Variants in CLSTN1 observed in about 807,000 individuals in gnomAD.
CLSTN1 encodes the protein calsyntenin 1, also known as calsyntenin-1.
CLSTN1 carries 28 observed loss-of-function variants against 108.3 expected under a neutral mutation model. That is an observed-to-expected ratio of 0.26 (90% CI 0.19 to 0.35). The LOEUF (loss-of-function observed/expected upper bound fraction) is 0.35. Among genes scored for constraint, CLSTN1 ranks in the 10% least tolerant of loss-of-function variants. The probability of loss-of-function intolerance (pLI) is 1.00; values close to 1 mark genes in which losing one functional copy is unlikely to be tolerated. For synonymous variants in CLSTN1, 524 were observed against 534.9 expected, an observed-to-expected ratio of 0.98 and a Z score of 0.28; for missense variants, 1,157 against 1,302.6, an observed-to-expected ratio of 0.89 and a Z score of 1.72.
At chr1:9,816,062 T>G (rs1356456293) in intron 1 of CLSTN1, among the ~76,000 whole-genome samples, 1 of 152,214 alleles carries the variant, frequency 6.6e-6, no homozygotes, top group Admixed American at 6.5e-5. Flanking sequence ...ACAAAAATGT[T>G]CATAGTAATA....
intron 1 of CLSTN1, among the ~76,000 whole-genome samples, chr1:9,809,537 T>C (rs1654641650): frequency 6.6e-6 from 1 of 152,016 alleles, no homozygotes; most frequent in Non-Finnish European, 1.5e-5. Context: ...TCCCAGTGCT[T>C]TGGGAGGTCA....
At chr1:9,799,865 C>T (rs1045859667) in intron 1 of CLSTN1, among the ~76,000 whole-genome samples, 8 of 151,848 alleles carry the variant, frequency 5.3e-5, no homozygotes, top group African/African-American at 1.4e-4. Context: ...CATTTGAACC[C>T]GGGAGGCGGA....
intron 1 of CLSTN1, among the ~76,000 whole-genome samples, chr1:9,780,463 C>T (rs911865865): frequency 1.3e-5 from 2 of 152,108 alleles, no homozygotes; most frequent in African/African-American, 4.8e-5. Context: ...AGGCCTGCAG[C>T]TGAAATGGTT....
At chr1:9,733,896 G>T in intron 15 of CLSTN1, 76 bp downstream of exon 15, 1 of 1,433,630 alleles carries the variant, frequency 7.0e-7, no homozygotes, top group Non-Finnish European at 9.5e-7. Flanking sequence ...CAGATGGCAG[G>T]CAGCAGCCAG....
intron 1 of CLSTN1, among the ~76,000 whole-genome samples, chr1:9,787,027 G>C (rs1184934310): frequency 1.3e-5 from 2 of 151,352 alleles, no homozygotes; most frequent in Admixed American, 6.7e-5. Flanking sequence ...AACGAAGTTG[G>C]GGGTGAAGAG....
chr1:9,758,213 G>A (rs560485025), intron 2 of CLSTN1, among the ~76,000 whole-genome samples: 1 of 152,086 alleles, frequency 6.6e-6, no homozygotes, highest in Non-Finnish European at 1.5e-5. Context: ...GGCTGGTCTC[G>A]AACTCCTGGC....
At chr1:9,771,127 C>A (rs1396140721) in intron 2 of CLSTN1, among the ~76,000 whole-genome samples, 1 of 152,178 alleles carries the variant, frequency 6.6e-6, no homozygotes, top group Non-Finnish European at 1.5e-5. Context: ...AATACACAAG[C>A]CTGGACTGCA....
At chr1:9,733,322 T>C in intron 16 of CLSTN1, 79 bp downstream of exon 16, 16 of 1,560,710 alleles carry the variant, frequency 1.0e-5, no homozygotes, top group Non-Finnish European at 1.3e-5. Context: ...AGGTTGGCGT[T>C]TGTGAATATT....
intron 4 of CLSTN1, among the ~76,000 whole-genome samples, chr1:9,753,225 A>C (rs1651641986): frequency 6.6e-6 from 1 of 152,150 alleles, no homozygotes; most frequent in Admixed American, 6.6e-5. Context: ...TCCTGTGAGA[A>C]TCTGATACCG....
chr1:9,784,996 CTTT>C (rs549145155), intron 1 of CLSTN1, among the ~76,000 whole-genome samples: 3 of 133,442 alleles, frequency 2.2e-5, no homozygotes, highest in South Asian at 2.4e-4. Context: ...GTCATAAATT[CTTT>C]TTTTTTTTTT....
At chr1:9,818,422 G>A (rs573981186) in intron 1 of CLSTN1, among the ~76,000 whole-genome samples, 2 of 149,670 alleles carry the variant, frequency 1.3e-5, no homozygotes, top group African/African-American at 4.9e-5. Flanking sequence ...TCCGCCTCCC[G>A]AGTTCAAGCA....
chr1:9,754,990 G>A, intron 4 of CLSTN1, 124 bp downstream of exon 4: 1 of 709,574 alleles, frequency 1.4e-6, no homozygotes, highest in East Asian at 2.6e-5. Context: ...GTAGACACTT[G>A]AGAACTATCT....
At chr1:9,797,381 T>G (rs1654058413) in intron 1 of CLSTN1, among the ~76,000 whole-genome samples, 1 of 152,170 alleles carries the variant, frequency 6.6e-6, no homozygotes, top group Non-Finnish European at 1.5e-5. Context: ...ATGCCTGTAA[T>G]TCTATCCCTT....
At chr1:9,791,063 C>T (rs1446562048) in intron 1 of CLSTN1, among the ~76,000 whole-genome samples, 4 of 141,842 alleles carry the variant, frequency 2.8e-5, no homozygotes, top group Admixed American at 7.7e-5. Flanking sequence ...ACCCGGGAGG[C>T]GGGAGGAGGC....
chr1:9,786,095 A>C (rs1653471658), intron 1 of CLSTN1, among the ~76,000 whole-genome samples: 1 of 152,184 alleles, frequency 6.6e-6, no homozygotes, highest in Non-Finnish European at 1.5e-5. Context: ...AGGCTGAGGC[A>C]TGAGAATCGC....
rs186536020 is a variant in CLSTN1, at chr1:9,767,529, A to G, written c.214+5743T>C. 2.1e-3 allele frequency among the ~76,000 whole-genome samples: 318 copies of G among 148,600 alleles called. 1 individual carries two copies. Among genetic ancestry groups the G allele is most frequent in the African/African-American group, 7.8e-3 (307 of 39,612 alleles). On this transcript the variant is annotated intron_variant, in intron 2 of 18. Coordinates refer to ENST00000377298, the MANE Select transcript of CLSTN1 (RefSeq NM_001009566.3). ...CACTGCACTCCAGCCTGGGCAACAG[A>G]GCAAGACTCCATCTCAAAAAAAAAA...
At position 9,731,407 on chromosome 1, in the gene CLSTN1, G is replaced by C. The variant is rs767521093; in HGVS notation, c.2564-17C>G. ...TGGGGACGACTGTGGGAGAATGAGG[G>C]GGCGGGATGCGAGGTCACTCGGCCC... On this transcript the variant is annotated splice_polypyrimidine_tract_variant and intron_variant, in intron 17 of 18. Transcript: ENST00000377298. 10 of 1,611,762 alleles carry C rather than the reference G, an allele frequency of 6.2e-6. No individual in the cohort carries two copies. In the South Asian group the frequency reaches 8.8e-5, roughly 14 times the overall value.
At chr1:9,778,208 T>G (rs1485598811) in intron 1 of CLSTN1, among the ~76,000 whole-genome samples, 3 of 145,396 alleles carry the variant, frequency 2.1e-5, no homozygotes, top group South Asian at 2.2e-4. Context: ...GGTGGTGGTG[T>G]TATTTCTCCT....
rs771039133 is a variant in CLSTN1 at position 9,735,188 on chromosome 1, A to G, written c.1884-14T>C. ...TCGTTAAAACACCTGCCAGCAAGAA[A>G]TGGGGAAGGGTCAGGGCTTTGGGAG... On this transcript the variant is annotated splice_polypyrimidine_tract_variant and intron_variant, in intron 13 of 18. Coordinates refer to ENST00000377298, the MANE Select transcript of CLSTN1 (RefSeq NM_001009566.3). The G allele has an allele frequency of 6.2e-7, 1 of 1,613,046 alleles. No homozygotes were observed. Among genetic ancestry groups the G allele is most frequent in the South Asian group, 1.1e-5 (1 of 91,058 alleles).
Sources: gnomAD v4.1 joint callset for allele counts (sites outside exome capture counted in the v4.1 genomes callset) on GRCh38, gnomAD v4.1.1 for gene constraint, MANE v1.5 for transcripts, NCBI Gene and HGNC (gene_info 2026-07-23, HGNC 2026-07-21) for gene names.